The following SLC25A13 variants were observed in gnomAD, a reference collection of about 807,000 sequenced individuals.
The protein encoded by SLC25A13 is solute carrier family 25 member 13.
In SLC25A13, 70 loss-of-function variants were observed where a neutral mutation model predicts 85.5. The ratio of observed to expected loss-of-function variants is 0.82; its 90% CI spans 0.68 to 1.00. SLC25A13 has a LOEUF of 1.00. Among genes scored for constraint, SLC25A13 ranks in the 50% least tolerant of loss-of-function variants. SLC25A13 has a pLI of 0.00. For synonymous variants in SLC25A13, 259 were observed against 288.7 expected, an observed-to-expected ratio of 0.90 and a Z score of 1.04; for missense variants, 765 against 819.8, an observed-to-expected ratio of 0.93 and a Z score of 0.82.
At chr7:96,231,723 C>CAA (rs545369060) in intron 4 of SLC25A13, among the ~76,000 whole-genome samples, 2 of 107,226 alleles carry the variant, frequency 1.9e-5, no homozygotes, top group African/African-American at 3.5e-5. Context: ...GACTCTGTCT[C>CAA]AAAAAAAAAA....
At chr7:96,128,613 T>C (rs1275690235) in intron 15 of SLC25A13, among the ~76,000 whole-genome samples, 1 of 152,066 alleles carries the variant, frequency 6.6e-6, no homozygotes, top group African/African-American at 2.4e-5. Context: ...GGAAAGTCAA[T>C]GCTCTTTAGG....
chr7:96,287,756 C>T (rs1369373171), intron 2 of SLC25A13, among the ~76,000 whole-genome samples: 2 of 152,166 alleles, frequency 1.3e-5, no homozygotes, highest in African/African-American at 4.8e-5. Flanking sequence ...CTATGGTGTT[C>T]CCACTTCCTG....
At chr7:96,260,526 A>T (rs1208183315) in intron 3 of SLC25A13, among the ~76,000 whole-genome samples, 1 of 152,150 alleles carries the variant, frequency 6.6e-6, no homozygotes, top group African/African-American at 2.4e-5. Context: ...GCTCAGACCA[A>T]ATAAGTAATT....
At chr7:96,299,538 T>A (rs1344354804) in intron 1 of SLC25A13, among the ~76,000 whole-genome samples, 4 of 152,192 alleles carry the variant, frequency 2.6e-5, no homozygotes. Flanking sequence ...TGCCAATCTG[T>A]GCTGACATTT....
intron 4 of SLC25A13, among the ~76,000 whole-genome samples, chr7:96,232,078 T>G (rs1213174268): frequency 6.6e-6 from 1 of 152,112 alleles, no homozygotes; most frequent in African/African-American, 2.4e-5. Context: ...ACAATCCCAT[T>G]ACTGGGTATA....
At chr7:96,199,805 C>A (rs1795187770) in intron 5 of SLC25A13, among the ~76,000 whole-genome samples, 1 of 152,066 alleles carries the variant, frequency 6.6e-6, no homozygotes, top group Admixed American at 6.6e-5. Flanking sequence ...GCTAGTTGTA[C>A]AGAATAAACA....
At chr7:96,206,816 G>A (rs981291337) in intron 5 of SLC25A13, among the ~76,000 whole-genome samples, 11 of 152,178 alleles carry the variant, frequency 7.2e-5, no homozygotes, top group Non-Finnish European at 1.3e-4. Context: ...CATATCTGGA[G>A]GAAGGCCCAG....
At chr7:96,197,262 C>T (rs1795097742) in intron 5 of SLC25A13, among the ~76,000 whole-genome samples, 1 of 152,184 alleles carries the variant, frequency 6.6e-6, no homozygotes, top group Non-Finnish European at 1.5e-5. Flanking sequence ...CTAGATTTTA[C>T]TGTTGCCTAT....
intron 4 of SLC25A13, among the ~76,000 whole-genome samples, chr7:96,225,172 C>T (rs963828190): frequency 6.6e-6 from 1 of 152,138 alleles, no homozygotes; most frequent in African/African-American, 2.4e-5. Flanking sequence ...CCAGTAGCTA[C>T]CACCTGGTTC....
intron 4 of SLC25A13, among the ~76,000 whole-genome samples, chr7:96,228,279 A>C (rs1425435687): frequency 6.6e-6 from 1 of 152,250 alleles, no homozygotes; most frequent in Non-Finnish European, 1.5e-5. Context: ...TTACAGTGCA[A>C]GTCACAGAGT....
rs1388771426 is a variant in SLC25A13, at chr7:96,120,426, A to C, written c.*765T>G. 2.2e-6 allele frequency: 1 copy of C among 454,216 alleles called. No homozygotes were observed. The highest frequency in any genetic ancestry group is 4.4e-6 in the Non-Finnish European group (1 of 226,806). The allele number at this position is 454,216 out of a possible 1,614,324, so 28.1% of individuals were successfully genotyped here. On this transcript the variant is annotated 3_prime_UTR_variant, in exon 18 of 18. Coordinates refer to ENST00000265631, the MANE Select transcript of SLC25A13 (RefSeq NM_014251.3). ...AACAGGGCAACATGCATTTTTCAAG[A>C]GTGTTTATTAAAATAGGCAGTAATC...
intron 1 of SLC25A13, among the ~76,000 whole-genome samples, chr7:96,309,875 G>A (rs1467336685): frequency 1.3e-5 from 2 of 152,162 alleles, no homozygotes; most frequent in Non-Finnish European, 2.9e-5. Context: ...GGCCATATAT[G>A]AAGATAGGGT....
At chr7:96,155,263 T>C (rs900022393) in intron 13 of SLC25A13, among the ~76,000 whole-genome samples, 9 of 152,192 alleles carry the variant, frequency 5.9e-5, no homozygotes, top group Admixed American at 1.3e-4. Flanking sequence ...GGTATGAGAC[T>C]TCTCTCTTAC....
Position 96,121,724 on chromosome 7 carries a change from G to A in SLC25A13, c.1772C>T (p.Pro591Leu). Residue 591 changes from proline to leucine, a missense_variant, in exon 17 of 18, where the codon CCC (proline) becomes CTC (leucine). Coordinates refer to ENST00000265631, the MANE Select transcript of SLC25A13 (RefSeq NM_014251.3). The stretch of plus-strand genomic sequence containing the variant: ...AGTCAGCAAAGTTACACCAAACTGG[G>A]GTGAGGATCGAAATACACGAGCTTT... Reference protein sequence around the residue: ...GAGARVFRSSPQFGVTLLTYE... With the variant: ...GAGARVFRSSLQFGVTLLTYE... The A allele has an allele frequency of 6.2e-7, 1 of 1,614,058 alleles. No homozygotes were observed. The highest frequency in any genetic ancestry group is 8.5e-7 in the Non-Finnish European group (1 of 1,180,026).
intron 9 of SLC25A13, among the ~76,000 whole-genome samples, chr7:96,185,561 A>C (rs1794602775): frequency 6.6e-6 from 1 of 151,942 alleles, no homozygotes; most frequent in Non-Finnish European, 1.5e-5. Context: ...ACGCCACTGC[A>C]CTTCAGCCTC....
chr7:96,208,874 T>C lies in SLC25A13; in HGVS notation c.432A>G (p.Arg144=), dbSNP rs755913787. ...GAGTAAATTCCGCATATGTCAGGTG[T>C]CTTTTTCTTTCTTTTCCAAAATGTA... ...VQLHFGKERK[R]HLTYAEFTQF... The change falls in exon 5 of 18, where the codon AGA becomes AGG. Residue 144 remains arginine, a synonymous_variant. Coordinates refer to ENST00000265631, the MANE Select transcript of SLC25A13 (RefSeq NM_014251.3). The C allele has an allele frequency of 1.2e-6, 2 of 1,614,026 alleles. No individual in the cohort carries two copies. Among genetic ancestry groups the C allele is most frequent in the African/African-American group, 1.3e-5 (1 of 74,924 alleles).
At chr7:96,184,818 T>C in intron 10 of SLC25A13, 109 bp downstream of exon 10, 1 of 968,220 alleles carries the variant, frequency 1.0e-6, no homozygotes, top group Non-Finnish European at 1.7e-6. Flanking sequence ...ATAACTGGCA[T>C]TGGGAAAGAC....
chr7:96,307,482 T>C (rs1347180874), intron 1 of SLC25A13, among the ~76,000 whole-genome samples: 3 of 151,454 alleles, frequency 2.0e-5, no homozygotes, highest in Non-Finnish European at 2.9e-5. Context: ...GGGAGGACTG[T>C]TGGTTGAGAC....
In SLC25A13 at chr7:96,277,318, G is replaced by GT. The variant is rs1562897434; in HGVS notation, c.89dup (p.Asn30LysfsTer3). On this transcript the variant is annotated frameshift_variant, in exon 3 of 18. Coordinates refer to ENST00000265631, the MANE Select transcript of SLC25A13 (RefSeq NM_014251.3). LOFTEE classifies it high-confidence loss of function. ...CATTGGGGGACATGAAAAATTCACC[G>GT]TTTTTCTCAATGCTTGCATACTGTT... is the stretch of plus-strand genomic sequence containing the variant. 6.2e-7 allele frequency: 1 copy of GT among 1,612,604 alleles called. No homozygotes were observed. Among genetic ancestry groups the GT allele is most frequent in the African/African-American group, 1.3e-5 (1 of 74,868 alleles).
Sources: gnomAD v4.1 joint callset for allele counts (sites outside exome capture counted in the v4.1 genomes callset) on GRCh38, gnomAD v4.1.1 for gene constraint, MANE v1.5 for transcripts, NCBI Gene and HGNC (gene_info 2026-07-23, HGNC 2026-07-21) for gene names.